EPAS1: variants seen among roughly 807,000 people sequenced by gnomAD.
EPAS1 encodes endothelial PAS domain-containing protein 1.
In EPAS1, 23 loss-of-function variants were observed where a neutral mutation model predicts 87.9. That is an observed-to-expected ratio of 0.26 (90% CI 0.19 to 0.37). EPAS1 has a LOEUF of 0.37. EPAS1 is among the 10% of genes least tolerant of loss of function. EPAS1 has a pLI of 1.00. For synonymous variants in EPAS1, 508 were observed against 444.3 expected, an observed-to-expected ratio of 1.14 and a Z score of -1.80; for missense variants, 1,138 against 1,120.7, an observed-to-expected ratio of 1.02 and a Z score of -0.22.
intron 1 of EPAS1, among the ~76,000 whole-genome samples, chr2:46,324,895 C>T (rs1683523287): frequency 6.6e-6 from 1 of 152,270 alleles, no homozygotes; most frequent in Admixed American, 6.5e-5. Flanking sequence ...CACAGCCTGC[C>T]TTTCTTTCTT....
At position 46,382,450 on chromosome 2, in the gene EPAS1, G is replaced by A; in HGVS notation, c.2313G>A (p.Arg771=). 1 of 1,613,958 alleles carries A rather than the reference G, an allele frequency of 6.2e-7. No homozygotes were observed. Among genetic ancestry groups the A allele is most frequent in the Non-Finnish European group, 8.5e-7 (1 of 1,180,004 alleles). Residue 771 remains arginine (R), a synonymous_variant, in exon 15 of 16, where the codon AGG becomes AGA. Transcript: ENST00000263734. ...ATAAGTTCACCCAAAACCCCATGAG[G>A]GGCCTGGGCCATCCCCTGAGACATC... ...PNDKFTQNPM[R]GLGHPLRHLP...
chr2:46,373,383 C>T (rs1022752897), intron 7 of EPAS1, among the ~76,000 whole-genome samples: 1 of 152,182 alleles, frequency 6.6e-6, no homozygotes, highest in Non-Finnish European at 1.5e-5. Context: ...ACTCAAACAT[C>T]CATCAACAGG....
chr2:46,379,249 A>G (rs1188976982), intron 11 of EPAS1, among the ~76,000 whole-genome samples: 1 of 152,262 alleles, frequency 6.6e-6, no homozygotes, highest in Non-Finnish European at 1.5e-5. Context: ...CATTTATTAC[A>G]TAAGGCCAAT....
chr2:46,362,575 C>G (rs1454269076), intron 6 of EPAS1, among the ~76,000 whole-genome samples: 1 of 152,194 alleles, frequency 6.6e-6, no homozygotes, highest in African/African-American at 2.4e-5. Flanking sequence ...AAAGCTCCTG[C>G]TCAGCCTCCC....
At chr2:46,344,922 T>C (rs1468895885) in intron 1 of EPAS1, among the ~76,000 whole-genome samples, 1 of 152,208 alleles carries the variant, frequency 6.6e-6, no homozygotes, top group East Asian at 1.9e-4. Flanking sequence ...TGTTGTAAAA[T>C]CAAAACAGTG....
intron 1 of EPAS1, among the ~76,000 whole-genome samples, chr2:46,316,618 C>T (rs922002736): frequency 6.6e-6 from 1 of 152,208 alleles, no homozygotes; most frequent in African/African-American, 2.4e-5. Context: ...TGCTAACAAT[C>T]ATCTGAGCCT....
intron 6 of EPAS1, among the ~76,000 whole-genome samples, 193 bp downstream of exon 6, chr2:46,361,283 C>T (rs146061640): frequency 6.6e-6 from 1 of 152,102 alleles, no homozygotes; most frequent in African/African-American, 2.4e-5. Flanking sequence ...TGGTGGTCTC[C>T]CATTGACAGA....
chr2:46,316,447 G>C (rs1291104070), intron 1 of EPAS1, among the ~76,000 whole-genome samples: 1 of 152,146 alleles, frequency 6.6e-6, no homozygotes, highest in Admixed American at 6.5e-5. Flanking sequence ...TTTTAGTAGA[G>C]ATGGGGTTTT....
intron 2 of EPAS1, among the ~76,000 whole-genome samples, chr2:46,355,370 C>A (rs1311124138): frequency 6.6e-6 from 1 of 152,134 alleles, no homozygotes; most frequent in Non-Finnish European, 1.5e-5. Flanking sequence ...AGGAATAGAA[C>A]CTGTGTTTAA....
chr2:46,315,581 A>C (rs1683297638), intron 1 of EPAS1, among the ~76,000 whole-genome samples: 1 of 152,186 alleles, frequency 6.6e-6, no homozygotes, highest in Admixed American at 6.5e-5. Context: ...TGTTCACTGG[A>C]GTTCACACAG....
intron 1 of EPAS1, among the ~76,000 whole-genome samples, chr2:46,345,145 T>A (rs1030760726): frequency 1.3e-5 from 2 of 152,212 alleles, no homozygotes; most frequent in African/African-American, 4.8e-5. Flanking sequence ...TTTTATTTTA[T>A]CTTATTTATA....
intron 1 of EPAS1, among the ~76,000 whole-genome samples, chr2:46,315,339 C>T (rs1017576143): frequency 6.6e-6 from 1 of 151,944 alleles, no homozygotes; most frequent in African/African-American, 2.4e-5. Flanking sequence ...ACAGAGGGGG[C>T]GGGGGTGCAT....
intron 7 of EPAS1, 96 bp downstream of exon 7, chr2:46,370,029 C>T (rs760244082): frequency 1.6e-4 from 147 of 892,832 alleles, no homozygotes; most frequent in Non-Finnish European, 2.6e-4. Context: ...AGGTCACTTC[C>T]TCCACAGAGC....
chr2:46,363,906 G>T (rs908089287), intron 6 of EPAS1, among the ~76,000 whole-genome samples: 1 of 152,178 alleles, frequency 6.6e-6, no homozygotes, highest in Non-Finnish European at 1.5e-5. Flanking sequence ...GTGTTTAACC[G>T]ATTAGCAGAT....
At chr2:46,344,832 G>A (rs533649615) in intron 1 of EPAS1, among the ~76,000 whole-genome samples, 1 of 152,290 alleles carries the variant, frequency 6.6e-6, no homozygotes, top group Non-Finnish European at 1.5e-5. Flanking sequence ...AACAGCTGTT[G>A]GACGATTCAT....
intron 6 of EPAS1, among the ~76,000 whole-genome samples, chr2:46,364,123 C>T (rs1342125456): frequency 6.6e-6 from 1 of 152,154 alleles, no homozygotes; most frequent in Non-Finnish European, 1.5e-5. Flanking sequence ...CTCAATTCCC[C>T]TTTAGAGACA....
intron 1 of EPAS1, among the ~76,000 whole-genome samples, chr2:46,334,839 C>A (rs977455652): frequency 2.6e-5 from 4 of 152,168 alleles, no homozygotes; most frequent in African/African-American, 9.7e-5. Flanking sequence ...TTGATGACTT[C>A]TTTACAAAGG....
intron 6 of EPAS1, among the ~76,000 whole-genome samples, chr2:46,363,569 CA>C (rs1684446284): frequency 6.6e-6 from 1 of 152,076 alleles, no homozygotes; most frequent in Admixed American, 6.5e-5. Flanking sequence ...GGGAGAAACA[CA>C]AGGAATTGGA....
chr2:46,336,380 A>G (rs570222551), intron 1 of EPAS1, among the ~76,000 whole-genome samples: 6 of 152,008 alleles, frequency 3.9e-5, no homozygotes, highest in Non-Finnish European at 5.9e-5. Context: ...ATAAGGGCCT[A>G]TGAGTAGTGT....
Sources: gnomAD v4.1 joint callset for allele counts (sites outside exome capture counted in the v4.1 genomes callset) on GRCh38, gnomAD v4.1.1 for gene constraint, MANE v1.5 for transcripts, NCBI Gene and HGNC (gene_info 2026-07-23, HGNC 2026-07-21) for gene names.